PPAN: variants seen among roughly 807,000 people sequenced by gnomAD.
The protein encoded by PPAN is peter pan homolog, also known as suppressor of SWI4 1 homolog.
In PPAN, 39 loss-of-function variants were observed where a neutral mutation model predicts 48.5. The observed-to-expected ratio is 0.80, with a 90% CI of 0.62 to 1.05. PPAN has a LOEUF of 1.05. PPAN is among the 50% of genes least tolerant of loss of function. The pLI, the probability that PPAN is intolerant of heterozygous loss-of-function variation, is 0.00. For missense variants in PPAN, 736 were observed against 661.7 expected (o/e 1.11, Z -1.23); for synonymous variants, 315 against 268.6 (o/e 1.17, Z -1.69).
chr19:10,109,528 C>G, intron 5 of PPAN, 103 bp from the exon 6 acceptor site: 1 of 1,318,818 alleles, frequency 7.6e-7, no homozygotes, highest in Non-Finnish European at 1.0e-6. Context: ...GCATTTCTAG[C>G]CAGTGCCACA....
Position 10,111,715 on chromosome 19 carries a change from C to G in PPAN, c.*550C>G, listed in dbSNP as rs768529774. 19 of 1,613,488 alleles carry G rather than the reference C, an allele frequency of 1.2e-5. No homozygotes were observed. Among genetic ancestry groups the G allele is most frequent in the Non-Finnish European group, 1.6e-5 (19 of 1,179,810 alleles). ...AGCAGACACAGGCTGAGGATCGGCA[C>G]GGGAGCATGGCAGCCAACGTCTCGG... On this transcript the variant is annotated 3_prime_UTR_variant, in exon 12 of 12. Transcript: ENST00000253107.
chr19:10,109,528 C>T lies in PPAN; in HGVS notation c.514-103C>T, dbSNP rs561964531. 820 of 1,318,806 alleles carry T rather than the reference C, an allele frequency of 6.2e-4. 13 individuals are homozygous for T. The South Asian group carries it at 0.011, about 18-fold the overall frequency. The allele number at this position is 1,318,806 out of a possible 1,614,324, so 81.7% of individuals were successfully genotyped here. A position where few individuals can be genotyped will look rare whatever the true frequency, so the allele number is the denominator to read the frequency against. ...TGCGAGCTGGAAGCAGCATTTCTAG[C>T]CAGTGCCACAGTCCACGAACAGTGT... On this transcript the variant is annotated intron_variant, in intron 5 of 11. Transcript: ENST00000253107.
Position 10,107,976 on chromosome 19 carries a change from C to T in PPAN, c.355C>T (p.Arg119Cys), listed in dbSNP as rs769047162. The change falls in exon 5 of 12, where the codon CGT becomes TGT. Residue 119 changes from arginine (R) to cysteine (C), a missense_variant. Physicochemically the swap from Arg to Cys is radical, Grantham distance 180. Coordinates refer to ENST00000253107, the MANE Select transcript of PPAN (RefSeq NM_020230.7). ...TFQVKKYSLVRDVVSSLRRHR... is the reference protein window; with the variant it reads ...TFQVKKYSLVCDVVSSLRRHR... ...TCCTGTCCTACAGTACTCGCTGGTG[C>T]GTGATGTGGTCTCCTCACTGCGCCG... The T allele has an allele frequency of 3.7e-6, 6 of 1,607,572 alleles. No individual in the cohort carries two copies. In the Admixed American group the frequency reaches 6.7e-5, roughly 18 times the overall value.
rs2088989947 is a variant in PPAN, at chr19:10,110,003, C to T, written c.681C>T (p.Ile227=). 1.2e-6 allele frequency: 2 copies of T among 1,613,968 alleles called. No homozygotes were observed. Among genetic ancestry groups the T allele is most frequent in the Middle Eastern group, 1.6e-4 (1 of 6,062 alleles). The change falls in exon 7 of 12, where the codon ATC becomes ATT. Residue 227 remains isoleucine, a synonymous_variant. Coordinates refer to ENST00000253107, the MANE Select transcript of PPAN (RefSeq NM_020230.7). The surrounding 1 kb of genome is among the most constrained non-coding windows in gnomAD (Gnocchi z 5.9). ...CCAACATGAGCCGCCTGCAGGACAT[C>T]AGCGAGCTGCTGGCCACGTGAGGAG... ...KFPNMSRLQD[I]SELLATGAGL... is the part of the protein sequence containing the mutation.
In PPAN at chr19:10,110,735, G is replaced by C; in HGVS notation, c.1070G>C (p.Gly357Ala). 6.2e-7 allele frequency: 1 copy of C among 1,613,942 alleles called. No individual in the cohort carries two copies. The highest frequency in any genetic ancestry group is 8.5e-7 in the Non-Finnish European group (1 of 1,179,990). The part of the protein sequence containing the change: ...SLEGMKKARV[G>A]GSDEEASGIP... ...GAGGGCATGAAGAAGGCACGGGTCG[G>C]GGGTAGTGATGAAGAGGCCTCTGGG... is the stretch of plus-strand genomic sequence containing the variant. The change falls in exon 11 of 12, where the codon GGG becomes GCG. Residue 357 changes from glycine (G) to alanine (A), a missense_variant. By Grantham distance (60) the Gly-to-Ala change is moderately conservative. Coordinates refer to ENST00000253107, the MANE Select transcript of PPAN (RefSeq NM_020230.7). The surrounding 1 kb of genome is among the most constrained non-coding windows in gnomAD (Gnocchi z 5.9).
Position 10,107,576 on chromosome 19 carries a change from C to G in PPAN, c.261C>G (p.Ile87Met), listed in dbSNP as rs989993945. The G allele has an allele frequency of 9.3e-6, 15 of 1,614,036 alleles. No individual in the cohort carries two copies. The African/African-American group carries it at 1.9e-4, about 20-fold the overall frequency. ...CCCTCGGGGTCACACACTTTCTGAT[C>G]CTGAGCAAAACAGAGACCAATGTCT... ...AGPLGVTHFL[I>M]LSKTETNVYF... Residue 87 changes from isoleucine to methionine, a missense_variant, in exon 3 of 12, where the codon ATC (isoleucine) becomes ATG (methionine). Transcript: ENST00000253107.
At chr19:10,108,477 T>A (rs1599307456) in intron 5 of PPAN, among the ~76,000 whole-genome samples, 1 of 152,084 alleles carries the variant, frequency 6.6e-6, no homozygotes, top group Non-Finnish European at 1.5e-5. Flanking sequence ...GGCCCAGTGC[T>A]ATGGCTTCGG....
At position 10,109,944 on chromosome 19, in the gene PPAN, C is replaced by A. The variant is rs146709614; in HGVS notation, c.622C>A (p.Arg208Ser). 74 of 1,613,912 alleles carry A rather than the reference C, an allele frequency of 4.6e-5. No homozygotes were observed. The highest frequency in any genetic ancestry group is 6.0e-5 in the Non-Finnish European group (71 of 1,179,966). ...SIKVVPVGASRGMKKLLQEKF... is the reference protein window; with the variant it reads ...SIKVVPVGASSGMKKLLQEKF... ...CAAAGTTGTTCCTGTGGGCGCGAGTCGCGGGATGAAGAAGCTGCTCCAGGA... is the reference window on the plus strand; with the variant it reads ...CAAAGTTGTTCCTGTGGGCGCGAGTAGCGGGATGAAGAAGCTGCTCCAGGA... The change falls in exon 7 of 12, where the codon CGC becomes AGC. Residue 208 changes from arginine to serine, a missense_variant. Physicochemically the swap from Arg to Ser is moderately radical, Grantham distance 110. Coordinates refer to ENST00000253107, the MANE Select transcript of PPAN (RefSeq NM_020230.7).
intron 5 of PPAN, 120 bp from the exon 6 acceptor site, chr19:10,109,511 G>A: frequency 8.2e-7 from 1 of 1,220,532 alleles, no homozygotes; most frequent in Non-Finnish European, 1.1e-6. Context: ...GGTGCGAGCT[G>A]GAAGCAGCAT....
rs1265825278 is a variant in PPAN, at chr19:10,111,305, C to CGTCAG, written c.*141_*145dup. 6 of 1,073,558 alleles carry CGTCAG rather than the reference C, an allele frequency of 5.6e-6. No individual in the cohort carries two copies. In the African/African-American group the frequency reaches 9.6e-5, roughly 17 times the overall value. The allele number at this position is 1,073,558 out of a possible 1,614,324, so 66.5% of individuals were successfully genotyped here. On this transcript the variant is annotated 3_prime_UTR_variant, in exon 12 of 12. Transcript: ENST00000253107. ...AAGAACTGAATTGGCCAGGGGTCCA[C>CGTCAG]GTCAGCGTTTGGGATGGGGGATTCT...
chr19:10,110,120 CA>C lies in PPAN; in HGVS notation c.699-2del. 6.2e-7 allele frequency: 1 copy of C among 1,611,206 alleles called. No homozygotes were observed. The highest frequency in any genetic ancestry group is 1.3e-5 in the African/African-American group (1 of 75,058). ...ACTGAGCCCTGTTATGTCCTACACA[CA>C]GGGGCGCGGGGCTGTCGGAGAGCGA... On this transcript the variant is annotated splice_acceptor_variant, in intron 7 of 11. Transcript: ENST00000253107. LOFTEE classifies it high-confidence loss of function. This position sits in a 1 kb window ranked among gnomAD's most constrained non-coding sequence, Gnocchi z 5.9.
upstream of PPAN, chr19:10,106,324 C>G: frequency 6.5e-7 from 1 of 1,545,522 alleles, no homozygotes. Context: ...TGCCGGCTCT[C>G]AGGCGCCGGA....
Position 10,111,810 on chromosome 19 carries a change from G to A in PPAN, c.*645G>A. 1 of 1,570,720 alleles carries A rather than the reference G, an allele frequency of 6.4e-7. No homozygotes were observed. The highest frequency in any genetic ancestry group is 1.1e-5 in the South Asian group (1 of 89,586). On this transcript the variant is annotated 3_prime_UTR_variant, in exon 12 of 12. Transcript: ENST00000253107. ...TCAGGAGGTGGGGGTAGTGGGTATTGGTAAAACACCTAGGTCTGGGGCTGG... is the reference window on the plus strand; with the variant it reads ...TCAGGAGGTGGGGGTAGTGGGTATTAGTAAAACACCTAGGTCTGGGGCTGG...
At chr19:10,108,175 A>G (rs1275130227) in intron 5 of PPAN, 41 bp downstream of exon 5, 11 of 1,575,042 alleles carry the variant, frequency 7.0e-6, no homozygotes, top group Non-Finnish European at 9.5e-6. Flanking sequence ...GGGGGGGTGC[A>G]GCGGATAGAG....
chr19:10,107,597 T>C lies in PPAN; in HGVS notation c.282T>C (p.Asn94=), dbSNP rs768787053. The C allele has an allele frequency of 6.2e-7, 1 of 1,614,156 alleles. No homozygotes were observed. Among genetic ancestry groups the C allele is most frequent in the Admixed American group, 1.7e-5 (1 of 60,026 alleles). ...HFLILSKTET[N]VYFKLMRLPG... is the part of the protein sequence containing the mutation. ...TGATCCTGAGCAAAACAGAGACCAA[T>C]GTCTACTTTGTGAGTAGACGCCCTC... The change falls in exon 3 of 12, where the codon AAT becomes AAC. Residue 94 remains asparagine (N), a synonymous_variant. Transcript: ENST00000253107.
At chr19:10,107,638 C>G (rs780925173) in intron 3 of PPAN, 32 bp downstream of exon 3, 2 of 1,611,512 alleles carry the variant, frequency 1.2e-6, no homozygotes, top group Admixed American at 3.3e-5. Flanking sequence ...TCATCTCCCC[C>G]AGACCCCCCC....
At position 10,106,607 on chromosome 19, in the gene PPAN, A is replaced by G. The variant is rs1440704773; in HGVS notation, c.125A>G (p.Asn42Ser). 6.4e-6 allele frequency: 10 copies of G among 1,550,480 alleles called. No individual in the cohort carries two copies. The highest frequency in any genetic ancestry group is 1.2e-5 in the South Asian group (1 of 84,312). ...TTCACGCGAGGCTGCACGGGTCGCA[A>G]CATCCGGCAGCTCAGCCTGGACGTG... ...FVFTRGCTGR[N>S]IRQLSLDVRR... Residue 42 changes from asparagine (N) to serine (S), a missense_variant, in exon 2 of 12, where the codon AAC (asparagine) becomes AGC (serine). Coordinates refer to ENST00000253107, the MANE Select transcript of PPAN (RefSeq NM_020230.7).
chr19:10,108,996 C>T (rs1804142568), intron 5 of PPAN, among the ~76,000 whole-genome samples: 1 of 147,184 alleles, frequency 6.8e-6, no homozygotes, highest in South Asian at 2.1e-4. Flanking sequence ...GAGTCTTGCT[C>T]TGTCTCCCAG....
chr19:10,110,269 C>T lies in PPAN; in HGVS notation c.822+23C>T. 6.2e-7 allele frequency: 1 copy of T among 1,612,444 alleles called. No individual in the cohort carries two copies. The highest frequency in any genetic ancestry group is 1.1e-5 in the South Asian group (1 of 90,994). The stretch of plus-strand genomic sequence containing the variant: ...GAGGTGAGGCCCAGGGCAGGGGGAC[C>T]CCCGGGCTCCACCAGTCCCAACGGT... On this transcript the variant is annotated intron_variant, in intron 8 of 11. Coordinates refer to ENST00000253107, the MANE Select transcript of PPAN (RefSeq NM_020230.7). The surrounding 1 kb of genome is among the most constrained non-coding windows in gnomAD (Gnocchi z 5.9).
Sources: gnomAD v4.1 joint callset for allele counts (sites outside exome capture counted in the v4.1 genomes callset) on GRCh38, gnomAD v4.1.1 for gene constraint, Gnocchi (gnomAD v3.1) non-coding constraint, MANE v1.5 for transcripts, NCBI Gene and HGNC (gene_info 2026-07-23, HGNC 2026-07-21) for gene names.